SYT9: variants seen among roughly 807,000 people sequenced by gnomAD.
SYT9 encodes the protein synaptotagmin-9.
A neutral mutation model predicts 48.4 loss-of-function variants in SYT9; 22 were observed. The observed-to-expected ratio is 0.45, with a 90% CI of 0.32 to 0.65. SYT9 has a LOEUF of 0.65. Ranked by LOEUF, SYT9 falls within the 30% of genes least tolerant of loss-of-function variation. The pLI is 0.03. For synonymous variants in SYT9, 265 were observed against 245.0 expected, an observed-to-expected ratio of 1.08 and a Z score of -0.76; for missense variants, 577 against 622.0, an observed-to-expected ratio of 0.93 and a Z score of 0.77.
chr11:7,371,676 C>T (rs1192629605), intron 3 of SYT9, among the ~76,000 whole-genome samples: 1 of 151,982 alleles, frequency 6.6e-6, no homozygotes, highest in Non-Finnish European at 1.5e-5. Context: ...TTTCTCATGC[C>T]CTGTTCCAGT....
chr11:7,360,632 C>T (rs1206750354), intron 3 of SYT9, among the ~76,000 whole-genome samples: 2 of 152,104 alleles, frequency 1.3e-5, no homozygotes, highest in African/African-American at 4.8e-5. Flanking sequence ...TGGGAGTTCA[C>T]TCATGATTTG....
intron 1 of SYT9, among the ~76,000 whole-genome samples, chr11:7,274,675 C>A (rs959707163): frequency 2.0e-5 from 3 of 152,094 alleles, no homozygotes; most frequent in Non-Finnish European, 2.9e-5. Context: ...TACAGCTGGG[C>A]CCTTCTCTTC....
chr11:7,331,331 G>C (rs541848474), intron 3 of SYT9, among the ~76,000 whole-genome samples: 3 of 151,242 alleles, frequency 2.0e-5, no homozygotes, highest in African/African-American at 7.3e-5. Flanking sequence ...AGAAGACTAG[G>C]ATCTAGTGGC....
At chr11:7,352,598 A>T (rs1357979820) in intron 3 of SYT9, among the ~76,000 whole-genome samples, 1 of 152,264 alleles carries the variant, frequency 6.6e-6, no homozygotes, top group Admixed American at 6.5e-5. Flanking sequence ...AAGAATACTC[A>T]GTGAACTAAC....
intron 2 of SYT9, among the ~76,000 whole-genome samples, chr11:7,311,266 C>G (rs929721993): frequency 3.9e-4 from 60 of 152,214 alleles, no homozygotes; most frequent in African/African-American, 1.3e-3. Flanking sequence ...CGCGCCATTG[C>G]ACTTCAGCCC....
chr11:7,456,178 G>C (rs1176974759), intron 6 of SYT9, among the ~76,000 whole-genome samples: 1 of 152,226 alleles, frequency 6.6e-6, no homozygotes, highest in Non-Finnish European at 1.5e-5. Context: ...CTGGGGCATA[G>C]GGTCTGTCAG....
intron 6 of SYT9, among the ~76,000 whole-genome samples, chr11:7,433,623 G>T (rs373922356): frequency 6.6e-6 from 1 of 152,116 alleles, no homozygotes; most frequent in African/African-American, 2.4e-5. Flanking sequence ...AAACAATTAG[G>T]TTATGAGGGC....
intron 3 of SYT9, among the ~76,000 whole-genome samples, chr11:7,359,734 G>A (rs1850094582): frequency 7.7e-6 from 1 of 129,062 alleles, no homozygotes; most frequent in African/African-American, 2.7e-5. Context: ...TGAGTTCATT[G>A]TAGATTCTGG....
intron 6 of SYT9, among the ~76,000 whole-genome samples, chr11:7,460,154 C>T (rs1216832645): frequency 6.6e-6 from 1 of 152,058 alleles, no homozygotes; most frequent in Non-Finnish European, 1.5e-5. Flanking sequence ...ATAGTACATA[C>T]CAAATTCTAC....
intron 3 of SYT9, among the ~76,000 whole-genome samples, chr11:7,387,725 C>A (rs1487771438): frequency 6.6e-6 from 1 of 152,078 alleles, no homozygotes; most frequent in Non-Finnish European, 1.5e-5. Flanking sequence ...ATTCCCTTTC[C>A]ATATCTGGTT....
chr11:7,238,838 A>T, exon 1 of SYT9: 1 of 455,958 alleles, frequency 2.2e-6, no homozygotes, highest in Non-Finnish European at 4.4e-6. Flanking sequence ...GGAAAGAATG[A>T]TATGAAGAAG....
intron 1 of SYT9, among the ~76,000 whole-genome samples, chr11:7,283,989 C>A (rs1848552344): frequency 6.6e-6 from 1 of 152,108 alleles, no homozygotes; most frequent in Admixed American, 6.5e-5. Context: ...CATCTAAAGT[C>A]TTCACTTATC....
intron 1 of SYT9, among the ~76,000 whole-genome samples, chr11:7,260,669 A>G (rs761916814): frequency 6.6e-6 from 1 of 152,184 alleles, no homozygotes; most frequent in Non-Finnish European, 1.5e-5. Context: ...TGGAAAATAT[A>G]CTCAGGTTAC....
intron 3 of SYT9, among the ~76,000 whole-genome samples, chr11:7,321,470 A>C (rs1416529835): frequency 6.6e-6 from 1 of 152,166 alleles, no homozygotes; most frequent in Non-Finnish European, 1.5e-5. Flanking sequence ...ATATTTATTA[A>C]TTTGAATCCC....
At chr11:7,378,446 A>G (rs1564882833) in intron 3 of SYT9, among the ~76,000 whole-genome samples, 2 of 152,076 alleles carry the variant, frequency 1.3e-5, no homozygotes, top group African/African-American at 2.4e-5. Context: ...AATCTTTCAG[A>G]GACTGAAGGA....
chr11:7,351,775 C>T (rs1228494601), intron 3 of SYT9, among the ~76,000 whole-genome samples: 5 of 152,120 alleles, frequency 3.3e-5, no homozygotes, highest in Admixed American at 3.3e-4. Flanking sequence ...ATCCCCAGGG[C>T]TGGGAAGATT....
intron 3 of SYT9, among the ~76,000 whole-genome samples, chr11:7,337,371 G>A (rs1004771815): frequency 3.3e-5 from 5 of 151,766 alleles, no homozygotes; most frequent in Non-Finnish European, 5.9e-5. Flanking sequence ...TTCTCTGCTT[G>A]ATTGCTCTGA....
At position 7,468,530 on chromosome 11, in the gene SYT9, A is replaced by G. The variant is rs944637814; in HGVS notation, c.*1730A>G. On this transcript the variant is annotated 3_prime_UTR_variant, in exon 7 of 7. Coordinates refer to ENST00000318881, the MANE Select transcript of SYT9 (RefSeq NM_175733.4). ...CCTCCTCATTCAGACATCCTCCACC[A>G]TACCAGTGTTTAGAAGCAAAACATG... 2.6e-6 allele frequency: 1 copy of G among 389,682 alleles called. No individual in the cohort carries two copies. Among genetic ancestry groups the G allele is most frequent in the Non-Finnish European group, 4.5e-6 (1 of 220,844 alleles). 24.1% of individuals were successfully genotyped at this position (389,682 alleles called of 1,614,324 possible). A position where few individuals can be genotyped will look rare whatever the true frequency, so the allele number is the denominator to read the frequency against.
At chr11:7,350,491 G>A (rs79807190) in intron 3 of SYT9, among the ~76,000 whole-genome samples, 3,772 of 152,248 alleles carry the variant, frequency 0.025, 118 homozygotes, top group African/African-American at 0.067. Flanking sequence ...AGCTGCCTAC[G>A]TGCATTGATC....
Sources: allele counts gnomAD v4.1 joint callset (sites outside exome capture counted in the v4.1 genomes callset), GRCh38; gene constraint gnomAD v4.1.1; transcripts MANE v1.5; gene names NCBI Gene and HGNC (gene_info 2026-07-23, HGNC 2026-07-21).